Variants in PARD3 observed in about 807,000 individuals in gnomAD.
PARD3 encodes partitioning defective 3 homolog.
Under a neutral mutation model 155.4 loss-of-function variants are expected in PARD3, and 75 were observed. That is an observed-to-expected ratio of 0.48 (90% confidence interval 0.40 to 0.58). The LOEUF (loss-of-function observed/expected upper bound fraction) is 0.58. Ranked by LOEUF, PARD3 falls within the 20% of genes least tolerant of loss-of-function variation. The pLI, the probability that PARD3 is intolerant of heterozygous loss-of-function variation, is 0.00. For synonymous variants in PARD3, 576 were observed against 610.5 expected, an observed-to-expected ratio of 0.94 and a Z score of 0.83; for missense variants, 1,642 against 1,721.7, an observed-to-expected ratio of 0.95 and a Z score of 0.82.
chr10:34,273,399 G>A (rs1955724430), intron 21 of PARD3, among the ~76,000 whole-genome samples: 2 of 152,142 alleles, frequency 1.3e-5, no homozygotes, highest in South Asian at 4.1e-4. Flanking sequence ...CAATCTCACA[G>A]GTCATATATG....
chr10:34,569,896 C>CAAAAAAA (rs35199552), intron 2 of PARD3, among the ~76,000 whole-genome samples: 1 of 132,532 alleles, frequency 7.5e-6, no homozygotes. Context: ...CCTACTCAAG[C>CAAAAAAA]AAAAAAAAAA....
At chr10:34,115,669 C>T (rs936246618) in intron 24 of PARD3, among the ~76,000 whole-genome samples, 1 of 151,808 alleles carries the variant, frequency 6.6e-6, no homozygotes, top group African/African-American at 2.4e-5. Context: ...ACTTTGTGCC[C>T]CACAAATTAT....
intron 3 of PARD3, among the ~76,000 whole-genome samples, chr10:34,492,886 G>A (rs1409954084): frequency 6.6e-6 from 1 of 152,198 alleles, no homozygotes; most frequent in East Asian, 1.9e-4. Context: ...AGTAGCTGCA[G>A]GCAAATATCG....
chr10:34,517,139 C>T lies in PARD3; in HGVS notation c.243G>A (p.Glu81=), dbSNP rs371463516. Residue 81 remains glutamate, a synonymous_variant, in exon 3 of 25, where the codon GAG becomes GAA. Transcript: ENST00000374788. ...CATCACCTCCGTGATGTGGATCCTG[C>T]TCATCAAACACTGCTACCAGCTAGA... is the stretch of plus-strand genomic sequence containing the variant. The part of the protein sequence containing the change: ...DKDRLVAVFD[E]QDPHHGGDGT... The T allele has an allele frequency of 6.2e-6, 10 of 1,613,926 alleles. No homozygotes were observed. The highest frequency in any genetic ancestry group is 7.6e-6 in the Non-Finnish European group (9 of 1,179,976).
At chr10:34,453,386 C>T (rs764453817) in intron 4 of PARD3, among the ~76,000 whole-genome samples, 1 of 152,134 alleles carries the variant, frequency 6.6e-6, no homozygotes, top group Non-Finnish European at 1.5e-5. Context: ...TTAAAAATTG[C>T]TATTTCTAAT....
chr10:34,354,732 G>A (rs924229804), intron 14 of PARD3, among the ~76,000 whole-genome samples: 1 of 152,152 alleles, frequency 6.6e-6, no homozygotes, highest in Non-Finnish European at 1.5e-5. Context: ...CAGAAACACT[G>A]AGTGGCTAGA....
intron 2 of PARD3, among the ~76,000 whole-genome samples, chr10:34,614,291 A>T (rs2091107701): frequency 6.6e-6 from 1 of 152,196 alleles, no homozygotes; most frequent in Non-Finnish European, 1.5e-5. Context: ...AGTTGGCGCT[A>T]AAAAAACAGC....
At chr10:34,386,221 A>T (rs1842332630) in intron 7 of PARD3, among the ~76,000 whole-genome samples, 1 of 152,188 alleles carries the variant, frequency 6.6e-6, no homozygotes, top group Admixed American at 6.5e-5. Context: ...CTAGTGTATG[A>T]GTCTAAAAAT....
At chr10:34,330,670 T>C (rs2134227917) in intron 19 of PARD3, among the ~76,000 whole-genome samples, 1 of 152,270 alleles carries the variant, frequency 6.6e-6, no homozygotes, top group South Asian at 2.1e-4. Context: ...GTGGATTATA[T>C]CTAGCAACAT....
At chr10:34,314,948 A>C (rs562388258) in intron 20 of PARD3, among the ~76,000 whole-genome samples, 1 of 152,308 alleles carries the variant, frequency 6.6e-6, no homozygotes, top group African/African-American at 2.4e-5. Context: ...GATTCCAATA[A>C]ACCAATGATT....
At chr10:34,352,645 T>G (rs1838241600) in intron 14 of PARD3, among the ~76,000 whole-genome samples, 1 of 152,212 alleles carries the variant, frequency 6.6e-6, no homozygotes, top group Admixed American at 6.5e-5. Flanking sequence ...GCTCACTCAG[T>G]GCTCAATCTT....
chr10:34,427,572 C>T (rs1335888937), intron 5 of PARD3, among the ~76,000 whole-genome samples: 2 of 152,140 alleles, frequency 1.3e-5, no homozygotes, highest in Non-Finnish European at 2.9e-5. Flanking sequence ...GACCTTGTGA[C>T]CTCGCCCTGA....
At chr10:34,284,813 T>C (rs765668027) in intron 20 of PARD3, among the ~76,000 whole-genome samples, 2 of 152,214 alleles carry the variant, frequency 1.3e-5, no homozygotes, top group Non-Finnish European at 2.9e-5. Context: ...TAAGGTATTC[T>C]CATCAAATAC....
chr10:34,636,269 C>T (rs547601489), intron 2 of PARD3, among the ~76,000 whole-genome samples: 2 of 152,180 alleles, frequency 1.3e-5, no homozygotes, highest in Middle Eastern at 3.2e-3. Flanking sequence ...CTGCAATCCA[C>T]GGAGACCCAC....
At chr10:34,777,003 A>ATTTTTTTTTTTTTTT (rs758917237) in intron 1 of PARD3, among the ~76,000 whole-genome samples, 4 of 122,410 alleles carry the variant, frequency 3.3e-5, no homozygotes, top group African/African-American at 1.4e-4. Context: ...TGTCTGGCTA[A>ATTTTTTTTTTTTTTT]TTTTTTTTTT....
intron 20 of PARD3, chr10:34,312,490 G>A (rs1957756129): frequency 3.8e-6 from 4 of 1,047,624 alleles, no homozygotes; most frequent in East Asian, 2.4e-5. Flanking sequence ...TCCAAACTAC[G>A]ACATTCAGTT....
intron 3 of PARD3, among the ~76,000 whole-genome samples, chr10:34,482,360 T>C (rs1382815905): frequency 1.3e-5 from 2 of 151,838 alleles, no homozygotes; most frequent in Admixed American, 1.3e-4. Flanking sequence ...TTTAAATTAA[T>C]GGGTCTCGCT....
chr10:34,605,675 A>ATATATATATATCTCC, intron 2 of PARD3, among the ~76,000 whole-genome samples: 1 of 85,342 alleles, frequency 1.2e-5, no homozygotes, highest in South Asian at 3.4e-4. Flanking sequence ...TATATCTCCT[A>ATATATATATATCTCC]TATATATATA....
In PARD3 at chr10:34,201,506, G is replaced by A. The variant is rs528706448; in HGVS notation, c.3419+68151C>T. 3.4e-3 allele frequency among the ~76,000 whole-genome samples: 522 copies of A among 152,242 alleles called. 6 individuals carry two copies. Among genetic ancestry groups the A allele is most frequent in the African/African-American group, 0.012 (506 of 41,542 alleles). Reference sequence around the variant, plus strand: ...AAATGAAAAGCCATCTATACTAAGGGCATAGAATGCTTTGGAGAGAGAAGT... The same window carrying A: ...AAATGAAAAGCCATCTATACTAAGGACATAGAATGCTTTGGAGAGAGAAGT... On this transcript the variant is annotated intron_variant, in intron 22 of 24. Coordinates refer to ENST00000374788, the MANE Select transcript of PARD3 (RefSeq NM_001184785.2).
Sources: gnomAD v4.1 joint callset for allele counts (sites outside exome capture counted in the v4.1 genomes callset) on GRCh38, gnomAD v4.1.1 for gene constraint, MANE v1.5 for transcripts, NCBI Gene and HGNC (gene_info 2026-07-23, HGNC 2026-07-21) for gene names.